The following SIL1 variants were observed in gnomAD, a reference collection of about 807,000 sequenced individuals.
The protein encoded by SIL1 is SIL1 nucleotide exchange factor, also known as nucleotide exchange factor SIL1.
Under a neutral mutation model 49.1 loss-of-function variants are expected in SIL1, and 40 were observed. That is an observed-to-expected ratio of 0.81 (90% CI 0.63 to 1.06). The LOEUF (loss-of-function observed/expected upper bound fraction) is 1.06. SIL1 is among the 50% of genes least tolerant of loss of function. SIL1 has a pLI of 0.00. For missense variants in SIL1, 500 were observed against 572.6 expected, an observed-to-expected ratio of 0.87 and a Z score of 1.29; for synonymous variants, 253 against 250.8, an observed-to-expected ratio of 1.01 and a Z score of -0.08.
intron 5 of SIL1, among the ~76,000 whole-genome samples, chr5:139,040,606 C>T (rs1037954686): frequency 1.4e-5 from 2 of 143,650 alleles, no homozygotes; most frequent in Non-Finnish European, 3.0e-5. Context: ...TCAAGTGATT[C>T]TCCCACCTCA....
At chr5:138,980,479 G>A (rs559652715) in intron 7 of SIL1, among the ~76,000 whole-genome samples, 1 of 152,264 alleles carries the variant, frequency 6.6e-6, no homozygotes, top group East Asian at 1.9e-4. Context: ...GTCCAAAAGA[G>A]AGGTCTGGAA....
chr5:139,078,834 CTG>C (rs1225838620), intron 3 of SIL1, among the ~76,000 whole-genome samples: 1 of 152,236 alleles, frequency 6.6e-6, no homozygotes, highest in Non-Finnish European at 1.5e-5. Flanking sequence ...AGAGGGGACA[CTG>C]TGTTTCCACA....
At chr5:139,114,360 G>A (rs1270913428) in intron 3 of SIL1, among the ~76,000 whole-genome samples, 1 of 152,224 alleles carries the variant, frequency 6.6e-6, no homozygotes, top group Non-Finnish European at 1.5e-5. Flanking sequence ...TCTCTGCAAT[G>A]AAGAGATCTA....
At chr5:139,104,693 G>A (rs1294392885) in intron 3 of SIL1, among the ~76,000 whole-genome samples, 1 of 152,158 alleles carries the variant, frequency 6.6e-6, no homozygotes, top group Non-Finnish European at 1.5e-5. Context: ...CCAGATCCTT[G>A]AGTGGGTTAG....
intron 1 of SIL1, among the ~76,000 whole-genome samples, chr5:139,175,690 C>T (rs753650559): frequency 3.9e-5 from 6 of 152,156 alleles, no homozygotes; most frequent in Non-Finnish European, 7.3e-5. Flanking sequence ...TGGCCAGGCG[C>T]GGTGGCTCAC....
At chr5:139,194,619 C>T (rs991266529) in intron 1 of SIL1, among the ~76,000 whole-genome samples, 2 of 152,186 alleles carry the variant, frequency 1.3e-5, no homozygotes, top group African/African-American at 4.8e-5. Context: ...CAAATTGACA[C>T]CAAATCCAGG....
intron 7 of SIL1, among the ~76,000 whole-genome samples, chr5:139,006,520 T>C (rs1414656519): frequency 6.9e-6 from 1 of 144,264 alleles, no homozygotes; most frequent in Non-Finnish European, 1.5e-5. Context: ...GGACATGAAG[T>C]CCTTGCCCAC....
intron 3 of SIL1, among the ~76,000 whole-genome samples, chr5:139,116,094 T>G (rs1770981597): frequency 6.6e-6 from 1 of 152,002 alleles, no homozygotes. Flanking sequence ...CAGACCAGAG[T>G]CAGGTGCTCC....
intron 1 of SIL1, among the ~76,000 whole-genome samples, chr5:139,148,897 C>T (rs976665603): frequency 6.6e-6 from 1 of 152,186 alleles, no homozygotes; most frequent in African/African-American, 2.4e-5. Flanking sequence ...CCAATTATTC[C>T]ATCCTGAGTC....
intron 7 of SIL1, among the ~76,000 whole-genome samples, chr5:138,952,401 T>C (rs1049885775): frequency 1.3e-5 from 2 of 152,192 alleles, no homozygotes. Flanking sequence ...AGAAAATGCT[T>C]GCGGGAGAAG....
At chr5:139,197,169 G>A (rs926432343) in intron 1 of SIL1, among the ~76,000 whole-genome samples, 2 of 150,116 alleles carry the variant, frequency 1.3e-5, no homozygotes, top group African/African-American at 4.9e-5. Flanking sequence ...TCGGGAAGGT[G>A]AGGCAGGAGA....
intron 5 of SIL1, among the ~76,000 whole-genome samples, chr5:139,031,680 T>C (rs868060385): frequency 1.3e-4 from 20 of 152,202 alleles, no homozygotes; most frequent in African/African-American, 4.1e-4. Context: ...ACTAAACTTA[T>C]ACATTCAGAG....
At chr5:139,189,015 T>G (rs1325302763) in intron 1 of SIL1, among the ~76,000 whole-genome samples, 1 of 152,230 alleles carries the variant, frequency 6.6e-6, no homozygotes, top group Non-Finnish European at 1.5e-5. Flanking sequence ...ATAAATAATA[T>G]GTAATACAAA....
At chr5:138,963,820 T>C (rs954816885) in intron 7 of SIL1, among the ~76,000 whole-genome samples, 22 of 152,238 alleles carry the variant, frequency 1.4e-4, no homozygotes, top group African/African-American at 4.8e-4. Context: ...CCTCCTCAGC[T>C]AGCTGCATTT....
At chr5:138,968,192 G>T (rs114896013) in intron 7 of SIL1, among the ~76,000 whole-genome samples, 242 of 152,150 alleles carry the variant, frequency 1.6e-3, no homozygotes, top group Non-Finnish European at 2.8e-3. Flanking sequence ...AGGTACCTTG[G>T]GGGGATGAGG....
intron 3 of SIL1, among the ~76,000 whole-genome samples, chr5:139,103,111 A>C (rs1279738940): frequency 1.3e-5 from 2 of 152,152 alleles, no homozygotes; most frequent in Non-Finnish European, 2.9e-5. Flanking sequence ...CGCTCAGTAA[A>C]CAAGAAAGGG....
At chr5:139,035,554 TG>T in intron 5 of SIL1, 1 of 486,998 alleles carries the variant, frequency 2.1e-6, no homozygotes, top group Non-Finnish European at 4.0e-6. Flanking sequence ...GGGCCAATCT[TG>T]GGGGCCAGTG....
chr5:139,042,478 T>C lies in SIL1; in HGVS notation c.453+142A>G, dbSNP rs986872228. 3 of 789,238 alleles carry C rather than the reference T, an allele frequency of 3.8e-6. No individual in the cohort carries two copies. The Admixed American group carries it at 6.2e-5, about 16-fold the overall frequency. 48.9% of individuals were successfully genotyped at this position (789,238 alleles called of 1,614,324 possible). A position where few individuals can be genotyped will look rare whatever the true frequency, so the allele number is the denominator to read the frequency against. On this transcript the variant is annotated intron_variant, in intron 5 of 9. Transcript: ENST00000394817. Reference sequence around the variant, plus strand: ...TAATAGTCTAAAAGGGTTTCTTATTTGTCATTAATGTTCTTTAAATTATTT... The same window carrying C: ...TAATAGTCTAAAAGGGTTTCTTATTCGTCATTAATGTTCTTTAAATTATTT...
rs766214971 is a variant in SIL1, at chr5:139,121,066, G to A, written c.213C>T (p.His71=). The A allele has an allele frequency of 5.0e-6, 8 of 1,614,056 alleles. No homozygotes were observed. In the African/African-American group the frequency reaches 1.1e-4, roughly 22 times the overall value. The part of the protein sequence containing the change: ...ELDAEVLEVF[H]PTHEWQALQP... ...GAAGGGCCTGCCACTCATGCGTCGGGTGGAACACCTCCAGGACTTCGGCAT... is the reference window on the plus strand; with the variant it reads ...GAAGGGCCTGCCACTCATGCGTCGGATGGAACACCTCCAGGACTTCGGCAT... Residue 71 remains histidine (H), a synonymous_variant, in exon 3 of 10, where the codon CAC becomes CAT. Transcript: ENST00000394817.
Sources: gnomAD v4.1 joint callset for allele counts (sites outside exome capture counted in the v4.1 genomes callset) on GRCh38, gnomAD v4.1.1 for gene constraint, MANE v1.5 for transcripts, NCBI Gene and HGNC (gene_info 2026-07-23, HGNC 2026-07-21) for gene names.